Variants in USP35 observed in about 807,000 individuals in gnomAD.
The protein encoded by USP35 is ubiquitin specific peptidase 35, also known as ubiquitin carboxyl-terminal hydrolase 35.
Under a neutral mutation model 83.8 loss-of-function variants are expected in USP35, and 69 were observed. The ratio of observed to expected loss-of-function variants is 0.82; its 90% CI spans 0.68 to 1.01. The LOEUF is 1.01. Ranked by LOEUF, USP35 falls within the 50% of genes least tolerant of loss-of-function variation. USP35 has a pLI of 0.00. For missense variants in USP35, 1,503 were observed against 1,362.5 expected, an observed-to-expected ratio of 1.10 and a Z score of -1.62; for synonymous variants, 714 against 589.5, an observed-to-expected ratio of 1.21 and a Z score of -3.06.
At chr11:78,230,771 A>T in the USP35 span, among the ~76,000 whole-genome samples, 9 of 152,386 alleles carry the variant, frequency 5.9e-5, no homozygotes, top group Non-Finnish European at 1.3e-4. Flanking sequence ...TTGTTCTAGC[A>T]GCCAGGTCTC....
chr11:78,193,349 G>T (rs936670339), intron 1 of USP35, among the ~76,000 whole-genome samples: 2 of 151,324 alleles, frequency 1.3e-5, no homozygotes, highest in Non-Finnish European at 2.9e-5. Flanking sequence ...GAGACACTAC[G>T]CCTGGCTAAT....
intron 7 of USP35, 70 bp from the exon 8 acceptor site, chr11:78,207,460 G>A: frequency 6.6e-7 from 1 of 1,508,602 alleles, no homozygotes. Context: ...TGGGCTGCCT[G>A]TGACATGGGT....
Position 78,200,208 on chromosome 11 carries a change from C to T in USP35, c.1012C>T (p.Gln338Ter). The T allele has an allele frequency of 6.2e-7, 1 of 1,614,068 alleles. No homozygotes were observed. The highest frequency in any genetic ancestry group is 8.5e-7 in the Non-Finnish European group (1 of 1,180,020). ...SVLKYMLLTF[Q>*]HSHEAFHLLL... ...GCTCAAGTACATGCTCCTGACCTTC[C>T]AGCACTCCCACGAAGCCTTCCACCT... Residue 338 changes from glutamine (Q) to a stop codon, truncating the protein, a stop_gained, in exon 5 of 11, where the codon CAG becomes TAG. Transcript: ENST00000529308. LOFTEE classifies it high-confidence loss of function.
chr11:78,193,082 G>C (rs1863048988), intron 1 of USP35, among the ~76,000 whole-genome samples: 1 of 152,202 alleles, frequency 6.6e-6, no homozygotes, highest in Non-Finnish European at 1.5e-5. Flanking sequence ...GCCATCCCAG[G>C]GGTCTGGGAG....
downstream of USP35, chr11:78,216,182 G>C (rs1388705452): frequency 1.3e-5 from 2 of 152,630 alleles, no homozygotes; most frequent in East Asian, 3.9e-4. Flanking sequence ...AAGGACTTAA[G>C]GAGACACCAT....
downstream of USP35, among the ~76,000 whole-genome samples, chr11:78,219,746 C>T (rs1318241): frequency 0.17 from 26,531 of 152,144 alleles, 2,649 homozygotes; most frequent in East Asian, 0.39. Flanking sequence ...TCAGGTCGCT[C>T]ATCCAGGGGA....
At chr11:78,217,537 G>A (rs920180429), downstream of USP35, 1 of 152,276 alleles carries the variant, frequency 6.6e-6, no homozygotes, top group African/African-American at 2.4e-5. Flanking sequence ...ATGGCAGGAA[G>A]TCATTGTTTG....
At chr11:78,208,332 G>A (rs1863600206) in intron 8 of USP35, among the ~76,000 whole-genome samples, 1 of 152,168 alleles carries the variant, frequency 6.6e-6, no homozygotes, top group Non-Finnish European at 1.5e-5. Flanking sequence ...TACCCACATG[G>A]CCAGGCAGCC....
chr11:78,198,074 A>C lies in USP35; in HGVS notation c.806+6A>C. The C allele has an allele frequency of 6.2e-7, 1 of 1,614,114 alleles. No individual in the cohort carries two copies. ...ATGCTGACTGCCATTAGCAGGTGGG[A>C]CGCTGAGGCTGAGCCATGATCAGGG... On this transcript the variant is annotated splice_donor_region_variant and intron_variant, in intron 3 of 10. Transcript: ENST00000529308.
rs964034391 is a variant in USP35 at position 78,196,414 on chromosome 11, C to T, written c.169C>T (p.Pro57Ser). ...CTACGTGGGCGGCGCGGAGGAGCTG[C>T]CGCGCCGCGTGGGCTGCCAGCTGCT... ...RLYVGGAEEL[P>S]RRVGCQLLHV... Residue 57 changes from proline to serine, a missense_variant, in exon 2 of 11, where the codon CCG (proline) becomes TCG (serine). Transcript: ENST00000529308. The surrounding 1 kb of genome is among the most constrained non-coding windows in gnomAD (Gnocchi z 4.8). 2 of 1,305,454 alleles carry T rather than the reference C, an allele frequency of 1.5e-6. No individual in the cohort carries two copies. Among genetic ancestry groups the T allele is most frequent in the Non-Finnish European group, 1.9e-6 (2 of 1,031,088 alleles). 80.9% of individuals were successfully genotyped at this position (1,305,454 alleles called of 1,614,324 possible). A position where few individuals can be genotyped will look rare whatever the true frequency, so the allele number is the denominator to read the frequency against.
intron 1 of USP35, among the ~76,000 whole-genome samples, chr11:78,192,902 C>A (rs1236593095): frequency 6.6e-6 from 1 of 152,190 alleles, no homozygotes; most frequent in African/African-American, 2.4e-5. Flanking sequence ...CTTTCTAGTA[C>A]TCTTTCTACT....
intron 1 of USP35, among the ~76,000 whole-genome samples, chr11:78,194,787 G>A (rs1004787270): frequency 6.6e-6 from 1 of 152,202 alleles, no homozygotes; most frequent in African/African-American, 2.4e-5. Context: ...GCTGGGCACT[G>A]TGCTAGGTGC....
Position 78,213,895 on chromosome 11 carries a change from A to G in USP35, c.*82A>G. On this transcript the variant is annotated 3_prime_UTR_variant, in exon 11 of 11. Transcript: ENST00000529308. ...GAAGCTGTGGAGGCAGGCCCTACCA[A>G]GAGGAAGGATGGTACAGCTCATGGC... is the stretch of plus-strand genomic sequence containing the variant. 6.8e-7 allele frequency: 1 copy of G among 1,481,412 alleles called. No homozygotes were observed. Among genetic ancestry groups the G allele is most frequent in the African/African-American group, 1.5e-5 (1 of 67,844 alleles). 91.8% of individuals were successfully genotyped at this position (1,481,412 alleles called of 1,614,324 possible).
At chr11:78,197,631 A>G (rs1461881080) in intron 2 of USP35, among the ~76,000 whole-genome samples, 1 of 152,166 alleles carries the variant, frequency 6.6e-6, no homozygotes, top group African/African-American at 2.4e-5. Context: ...CCTCCAGTCC[A>G]CGCAGCCCTC....
chr11:78,227,359 C>T, the USP35 span, among the ~76,000 whole-genome samples: 102 of 152,256 alleles, frequency 6.7e-4, 1 homozygote, highest in Admixed American at 1.7e-3. Flanking sequence ...TATGCACATT[C>T]GAACACAAAT....
In USP35 at chr11:78,196,265, C is replaced by T. The variant is rs1162970564; in HGVS notation, c.20C>T (p.Ala7Val). Reference sequence around the variant, plus strand: ...GGCGCCATGGACAAGATCTTGGAGGCGGTGGTGACGTCGTCATACCCGGTC... The same window carrying T: ...GGCGCCATGGACAAGATCTTGGAGGTGGTGGTGACGTCGTCATACCCGGTC... Reference protein sequence around the residue: MDKILEAVVTSSYPVSV... With the variant: MDKILEVVVTSSYPVSV... Residue 7 changes from alanine (A) to valine (V), a missense_variant, in exon 2 of 11, where the codon GCG becomes GTG. Ala to Val is a moderately conservative substitution (Grantham distance 64). Coordinates refer to ENST00000529308, the MANE Select transcript of USP35 (RefSeq NM_020798.4). This position sits in a 1 kb window ranked among gnomAD's most constrained non-coding sequence, Gnocchi z 4.8. 5.0e-6 allele frequency: 8 copies of T among 1,594,176 alleles called. No homozygotes were observed. In the African/African-American group the frequency reaches 8.1e-5, roughly 16 times the overall value.
chr11:78,211,185 T>C (rs764765168), intron 10 of USP35, among the ~76,000 whole-genome samples: 3 of 150,746 alleles, frequency 2.0e-5, no homozygotes, highest in Non-Finnish European at 4.4e-5. Flanking sequence ...CTCCCACTTA[T>C]GAGTAAGAGC....
chr11:78,196,516 G>T lies in USP35; in HGVS notation c.271G>T (p.Gly91Cys), dbSNP rs1304589016. The change falls in exon 2 of 11, where the codon GGT becomes TGT. Residue 91 changes from glycine to cysteine, a missense_variant. Gly to Cys is a radical substitution (Grantham distance 159). Coordinates refer to ENST00000529308, the MANE Select transcript of USP35 (RefSeq NM_020798.4). The surrounding 1 kb of genome is among the most constrained non-coding windows in gnomAD (Gnocchi z 4.8). ...GCGTCGCGTGCTGCGCCTGCTGCAG[G>T]GTGGCGCCGGCCCCCCGGGCCCCCG... ...SARRVLRLLQ[G>C]GAGPPGPRAL... The T allele has an allele frequency of 4.1e-6, 5 of 1,226,008 alleles. No individual in the cohort carries two copies. The highest frequency in any genetic ancestry group is 3.3e-4 in the Middle Eastern group (1 of 3,058). The allele number at this position is 1,226,008 out of a possible 1,614,324, so 75.9% of individuals were successfully genotyped here.
the USP35 span, among the ~76,000 whole-genome samples, chr11:78,224,720 T>A: frequency 6.6e-6 from 1 of 152,122 alleles, no homozygotes; most frequent in African/African-American, 2.4e-5. Context: ...TTCTGCCACT[T>A]AGCCTGACTG....
Sources: allele counts gnomAD v4.1 joint callset (sites outside exome capture counted in the v4.1 genomes callset), GRCh38; gene constraint gnomAD v4.1.1; non-coding constraint Gnocchi (gnomAD v3.1); transcripts MANE v1.5; gene names NCBI Gene and HGNC (gene_info 2026-07-23, HGNC 2026-07-21).